The following CCDC136 variants were observed in gnomAD, a reference collection of about 807,000 sequenced individuals.
The protein encoded by CCDC136 is coiled-coil domain-containing protein 136.
In CCDC136, 100 loss-of-function variants were observed where a neutral mutation model predicts 141.2. The ratio of observed to expected loss-of-function variants is 0.71; its 90% confidence interval spans 0.60 to 0.84. CCDC136 has a LOEUF of 0.84. CCDC136 is among the 40% of genes least tolerant of loss of function. CCDC136 has a pLI of 0.00. For synonymous variants in CCDC136, 474 were observed against 531.9 expected (o/e 0.89, Z 1.50); for missense variants, 1,206 against 1,379.4 (o/e 0.87, Z 1.99).
Position 128,805,520 on chromosome 7 carries a change from A to G in CCDC136, c.944A>G (p.Asn315Ser). ...GAAGAGCAGATGCATGGCATGAAGA[A>G]CAAGGTAGGGCACAGAGGGTGGGGA... ...DAEEQMHGMK[N>S]KCQELCCELE... The change falls in exon 6 of 18, where the codon AAC becomes AGC. Residue 315 changes from asparagine (N) to serine (S), a missense_variant. By Grantham distance (46) the Asn-to-Ser change is conservative. Coordinates refer to ENST00000297788, the MANE Select transcript of CCDC136 (RefSeq NM_022742.5). This position sits in a 1 kb window ranked among gnomAD's most constrained non-coding sequence, Gnocchi z 4.6. The G allele has an allele frequency of 6.2e-7, 1 of 1,607,946 alleles. No homozygotes were observed. The highest frequency in any genetic ancestry group is 8.5e-7 in the Non-Finnish European group (1 of 1,176,216).
At chr7:128,796,932 G>A (rs4728132) in intron 3 of CCDC136, among the ~76,000 whole-genome samples, 10,718 of 149,076 alleles carry the variant, frequency 0.072, 445 homozygotes, top group East Asian at 0.18. Flanking sequence ...TAGTAGAGAC[G>A]GGGTTTCACC....
chr7:128,816,820 A>C (rs1806706377), intron 16 of CCDC136, among the ~76,000 whole-genome samples: 1 of 152,212 alleles, frequency 6.6e-6, no homozygotes. Flanking sequence ...GGTAAAGAAA[A>C]AAAGCCTCTT....
chr7:128,796,739 A>ATATATTTTTTT, intron 3 of CCDC136, among the ~76,000 whole-genome samples: 4 of 113,370 alleles, frequency 3.5e-5, no homozygotes, highest in African/African-American at 9.2e-5. Context: ...ATATATATAT[A>ATATATTTTTTT]TTCTTTTTTT....
rs1802282625 is a variant in CCDC136 at position 128,792,246 on chromosome 7, C to T, written c.-166C>T. On this transcript the variant is annotated 5_prime_UTR_variant, in exon 1 of 18. Coordinates refer to ENST00000297788, the MANE Select transcript of CCDC136 (RefSeq NM_022742.5). Reference sequence around the variant, plus strand: ...AGCCTCGAGGAGCTGGAAGACATGTCCCCTTCTTTCCTCTGCACCCCAGCC... The same window carrying T: ...AGCCTCGAGGAGCTGGAAGACATGTTCCCTTCTTTCCTCTGCACCCCAGCC... 1.3e-6 allele frequency: 2 copies of T among 1,529,224 alleles called. No homozygotes were observed. The highest frequency in any genetic ancestry group is 1.8e-6 in the Non-Finnish European group (2 of 1,139,006). 94.7% of individuals were successfully genotyped at this position (1,529,224 alleles called of 1,614,324 possible).
Position 128,812,600 on chromosome 7 carries a change from C to T in CCDC136, c.2542-108C>T, listed in dbSNP as rs1015113532. 32 of 878,396 alleles carry T rather than the reference C, an allele frequency of 3.6e-5. No individual in the cohort carries two copies. The African/African-American group carries it at 4.7e-4, about 13-fold the overall frequency. The allele number at this position is 878,396 out of a possible 1,614,324, so 54.4% of individuals were successfully genotyped here. A position where few individuals can be genotyped will look rare whatever the true frequency, so the allele number is the denominator to read the frequency against. On this transcript the variant is annotated intron_variant, in intron 13 of 17. Coordinates refer to ENST00000297788, the MANE Select transcript of CCDC136 (RefSeq NM_022742.5). ...AAATATAGTAATCCCCCGCGGGCAT[C>T]TCTGGATCCTGGTGGCCATTGTTTG...
In CCDC136 at chr7:128,801,438, G is replaced by A. The variant is rs185493260; in HGVS notation, c.599G>A (p.Arg200His). 3,164 of 1,613,282 alleles carry A rather than the reference G, an allele frequency of 2.0e-3. 5 individuals carry two copies. Among genetic ancestry groups the A allele is most frequent in the Non-Finnish European group, 2.3e-3 (2,705 of 1,179,656 alleles). Reference sequence around the variant, plus strand: ...TATGAGATGGAGATCGCCTCCCTCCGTGCAGAAATGGAAATGAAGAGCTCT... The same window carrying A: ...TATGAGATGGAGATCGCCTCCCTCCATGCAGAAATGGAAATGAAGAGCTCT... ...GDYEMEIASLRAEMEMKSSEP... is the reference protein window; with the variant it reads ...GDYEMEIASLHAEMEMKSSEP... Residue 200 changes from arginine (R) to histidine (H), a missense_variant, in exon 4 of 18, where the codon CGT becomes CAT. Arg to His is a conservative substitution (Grantham distance 29). Transcript: ENST00000297788.
intron 1 of CCDC136, among the ~76,000 whole-genome samples, chr7:128,792,958 T>C (rs960049783): frequency 6.6e-6 from 1 of 152,214 alleles, no homozygotes; most frequent in African/African-American, 2.4e-5. Context: ...CCCATGTGAC[T>C]TGGCAGTTGC....
Position 128,805,276 on chromosome 7 carries a change from G to A in CCDC136, c.783-83G>A. 1.7e-6 allele frequency: 2 copies of A among 1,209,766 alleles called. No homozygotes were observed. The highest frequency in any genetic ancestry group is 2.4e-6 in the Non-Finnish European group (2 of 835,248). The allele number at this position is 1,209,766 out of a possible 1,614,324, so 74.9% of individuals were successfully genotyped here. ...CCCCTTACTATCTTTGGCCTAAAAT[G>A]AAGGTATCAGGACAAAGCCTGCATG... On this transcript the variant is annotated intron_variant, in intron 5 of 17. Transcript: ENST00000297788. The surrounding 1 kb of genome is among the most constrained non-coding windows in gnomAD (Gnocchi z 4.6).
intron 1 of CCDC136, among the ~76,000 whole-genome samples, chr7:128,792,921 T>A (rs995646005): frequency 6.6e-6 from 1 of 152,172 alleles, no homozygotes; most frequent in Admixed American, 6.5e-5. Context: ...GAGGCCATCC[T>A]CCCAACACAC....
At chr7:128,791,549 C>G, upstream of CCDC136, 16 of 1,265,844 alleles carry the variant, frequency 1.3e-5, no homozygotes, top group Non-Finnish European at 1.6e-5. The surrounding 1 kb of genome is among the most constrained non-coding windows in gnomAD (Gnocchi z 7.1). Context: ...TGCCCGGGCC[C>G]AGGTCAGAGC....
chr7:128,818,540 A>C (rs752464028), intron 17 of CCDC136, among the ~76,000 whole-genome samples: 1 of 152,140 alleles, frequency 6.6e-6, no homozygotes, highest in Non-Finnish European at 1.5e-5. Context: ...GGGAAATTTT[A>C]TTAGTTATCT....
chr7:128,796,734 TATATA>T (rs1803003913), intron 3 of CCDC136, among the ~76,000 whole-genome samples: 1 of 123,402 alleles, frequency 8.1e-6, no homozygotes, highest in South Asian at 2.5e-4. Flanking sequence ...TATATATATA[TATATA>T]TTCTTTTTTT....
At position 128,792,192 on chromosome 7, in the gene CCDC136, G is replaced by T; in HGVS notation, c.-220G>T. On this transcript the variant is annotated 5_prime_UTR_variant, in exon 1 of 18. In the 5' UTR this introduces an upstream ATG that the reference lacks. Transcript: ENST00000297788. ...GTCGCAGAGCCGCCAGAGTGAGTCA[G>T]GCACCTCCACTGGGATTACAGATCC... 1 of 1,462,984 alleles carries T rather than the reference G, an allele frequency of 6.8e-7. No homozygotes were observed. 90.6% of individuals were successfully genotyped at this position (1,462,984 alleles called of 1,614,324 possible).
At chr7:128,791,875 G>A (rs1031247710), upstream of CCDC136, 9 of 412,004 alleles carry the variant, frequency 2.2e-5, no homozygotes, top group Middle Eastern at 7.0e-4. This position sits in a 1 kb window ranked among gnomAD's most constrained non-coding sequence, Gnocchi z 7.1. Context: ...GGGCGAGGGT[G>A]GGGTGGGCAA....
chr7:128,820,207 G>A (rs1028776386), intron 17 of CCDC136, among the ~76,000 whole-genome samples: 1 of 152,088 alleles, frequency 6.6e-6, no homozygotes, highest in Non-Finnish European at 1.5e-5. Flanking sequence ...TCGTCTCTTG[G>A]GGTTCTTTTA....
intron 1 of CCDC136, among the ~76,000 whole-genome samples, chr7:128,793,102 A>T (rs1197163776): frequency 6.6e-6 from 1 of 152,238 alleles, no homozygotes; most frequent in Non-Finnish European, 1.5e-5. Context: ...GTCCCAGTTG[A>T]ACCTAAGGCT....
intron 7 of CCDC136, 96 bp from the exon 8 acceptor site, chr7:128,806,141 C>A: frequency 8.4e-7 from 1 of 1,190,738 alleles, no homozygotes; most frequent in Non-Finnish European, 1.2e-6. Flanking sequence ...GGGAGCTCCT[C>A]AAGATGTCTG....
At position 128,818,995 on chromosome 7, in the gene CCDC136, C is replaced by T. The variant is rs543394696; in HGVS notation, c.*5+1131C>T. ...TTTTCTGTCCTTCCTCCTGCTCCCTCCCCAGCTTTCCTGTTACTCATCTTC... is the reference window on the plus strand; with the variant it reads ...TTTTCTGTCCTTCCTCCTGCTCCCTTCCCAGCTTTCCTGTTACTCATCTTC... On this transcript the variant is annotated intron_variant, in intron 17 of 17. Transcript: ENST00000297788. Among the ~76,000 whole-genome samples, 76 of 152,318 alleles carry T rather than the reference C, an allele frequency of 5.0e-4. 1 individual carries two copies. The Middle Eastern group carries it at 0.014, about 27-fold the overall frequency.
chr7:128,817,061 G>A lies in CCDC136; in HGVS notation c.3364-697G>A, dbSNP rs1347576974. 4.6e-5 allele frequency among the ~76,000 whole-genome samples: 7 copies of A among 152,110 alleles called. No homozygotes were observed. The highest frequency in any genetic ancestry group is 1.4e-4 in the African/African-American group (6 of 41,408). ...GAGCCTCACAGATGTCTTTACCTTC[G>A]GTGCCACATTTCTAAAGCTAGACCT... On this transcript the variant is annotated intron_variant, in intron 16 of 17. Coordinates refer to ENST00000297788, the MANE Select transcript of CCDC136 (RefSeq NM_022742.5). The surrounding 1 kb of genome is among the most constrained non-coding windows in gnomAD (Gnocchi z 4.6).
Sources: allele counts gnomAD v4.1 joint callset (sites outside exome capture counted in the v4.1 genomes callset), GRCh38; gene constraint gnomAD v4.1.1; non-coding constraint Gnocchi (gnomAD v3.1); transcripts MANE v1.5; gene names NCBI Gene and HGNC (gene_info 2026-07-23, HGNC 2026-07-21).